MPPED2: variants seen among roughly 807,000 people sequenced by gnomAD.
MPPED2 encodes the protein metallophosphoesterase domain containing 2, also known as metallophosphoesterase MPPED2.
A neutral mutation model predicts 33.0 loss-of-function variants in MPPED2; 5 were observed. The ratio of observed to expected loss-of-function variants is 0.15; its 90% CI spans 0.08 to 0.32. The LOEUF is 0.32. Ranked by LOEUF, MPPED2 falls within the 10% of genes least tolerant of loss-of-function variation. The pLI is 1.00. For synonymous variants in MPPED2, 136 were observed against 141.9 expected, an observed-to-expected ratio of 0.96 and a Z score of 0.29; for missense variants, 275 against 372.1, an observed-to-expected ratio of 0.74 and a Z score of 2.15.
intron 3 of MPPED2, among the ~76,000 whole-genome samples, chr11:30,514,514 T>A (rs1179202963): frequency 6.6e-6 from 1 of 152,192 alleles, no homozygotes; most frequent in Non-Finnish European, 1.5e-5. Context: ...CCTGGACATT[T>A]TTTTTTAATG....
chr11:30,436,654 G>A (rs1565066428), intron 4 of MPPED2, among the ~76,000 whole-genome samples: 2 of 152,084 alleles, frequency 1.3e-5, no homozygotes, highest in African/African-American at 2.4e-5. Context: ...TATTACTGTG[G>A]GAGTTTTCTC....
At position 30,462,847 on chromosome 11, in the gene MPPED2, T is replaced by C. The variant is rs578167733; in HGVS notation, c.536+32449A>G. ...ACAGTCCCTATCATCTGGTATTTAT[T>C]TGATGAATGGAAAGTTTAACAAGAT... On this transcript the variant is annotated intron_variant, in intron 4 of 6. Transcript: ENST00000358117. 2.0e-5 allele frequency among the ~76,000 whole-genome samples: 3 copies of C among 152,222 alleles called. No individual in the cohort carries two copies. In the East Asian group the frequency reaches 5.8e-4, roughly 29 times the overall value.
intron 4 of MPPED2, among the ~76,000 whole-genome samples, chr11:30,452,596 G>A (rs776977087): frequency 2.6e-5 from 4 of 152,166 alleles, no homozygotes; most frequent in Non-Finnish European, 5.9e-5. Flanking sequence ...CTGGGGGTAA[G>A]GTATGTACTG....
intron 6 of MPPED2, among the ~76,000 whole-genome samples, chr11:30,401,123 C>A (rs934871189): frequency 6.6e-6 from 1 of 152,148 alleles, no homozygotes; most frequent in Non-Finnish European, 1.5e-5. Flanking sequence ...CATATCATGT[C>A]CCCCAAAAAG....
At chr11:30,511,170 G>C (rs996722517) in intron 3 of MPPED2, among the ~76,000 whole-genome samples, 1 of 152,144 alleles carries the variant, frequency 6.6e-6, no homozygotes, top group African/African-American at 2.4e-5. Flanking sequence ...GATGAGATTT[G>C]ATAATGAAAT....
chr11:30,485,740 C>A (rs990472317), intron 4 of MPPED2, among the ~76,000 whole-genome samples: 1 of 152,114 alleles, frequency 6.6e-6, no homozygotes, highest in Admixed American at 6.5e-5. Flanking sequence ...TTCAACAAAG[C>A]CTTCGCCATC....
At chr11:30,584,312 C>G (rs7930738) in intron 1 of MPPED2, 28,731 of 147,806 alleles carry the variant, frequency 0.19, 2,754 homozygotes, top group Middle Eastern at 0.21. Flanking sequence ...GGCAGTTGCG[C>G]GAGGCGGGGT....
rs149152269 is a variant in MPPED2, at chr11:30,503,624, G to A, written c.311-8103C>T. Reference sequence around the variant, plus strand: ...TTCAGCAGTAGTTCTTTGTGAAAGAGAGCCTCCAAAAGCAAACATGGCTTG... The same window carrying A: ...TTCAGCAGTAGTTCTTTGTGAAAGAAAGCCTCCAAAAGCAAACATGGCTTG... On this transcript the variant is annotated intron_variant, in intron 3 of 6. Transcript: ENST00000358117. Among the ~76,000 whole-genome samples the A allele has an allele frequency of 3.5e-4, 54 of 152,252 alleles. 1 individual carries two copies. Among genetic ancestry groups the A allele is most frequent in the African/African-American group, 1.2e-3 (50 of 41,548 alleles).
chr11:30,426,555 A>G (rs193105157), intron 4 of MPPED2, among the ~76,000 whole-genome samples: 2 of 152,312 alleles, frequency 1.3e-5, no homozygotes, highest in African/African-American at 2.4e-5. Flanking sequence ...CTCCCAGGGT[A>G]TACACTCATT....
intron 2 of MPPED2, among the ~76,000 whole-genome samples, chr11:30,560,157 A>G (rs1328472093): frequency 1.3e-5 from 2 of 152,142 alleles, no homozygotes; most frequent in Non-Finnish European, 2.9e-5. Flanking sequence ...GAAGTCAGTA[A>G]TTATTTTTAT....
chr11:30,403,178 C>T (rs770389504), intron 6 of MPPED2, among the ~76,000 whole-genome samples: 6 of 149,084 alleles, frequency 4.0e-5, no homozygotes, highest in Non-Finnish European at 5.9e-5. Flanking sequence ...ACCCGGGAGG[C>T]GGAGCTTGCC....
intron 4 of MPPED2, among the ~76,000 whole-genome samples, chr11:30,424,037 C>CA (rs1948728609): frequency 6.6e-6 from 1 of 152,190 alleles, no homozygotes. Context: ...GCCATTCGCT[C>CA]ACTCGCTCAC....
intron 4 of MPPED2, among the ~76,000 whole-genome samples, chr11:30,474,382 C>A (rs1443150922): frequency 2.0e-5 from 3 of 152,170 alleles, no homozygotes; most frequent in Non-Finnish European, 2.9e-5. Context: ...GAGAGGGTAA[C>A]TGTGATTTTT....
intron 3 of MPPED2, among the ~76,000 whole-genome samples, chr11:30,497,320 C>A (rs973844625): frequency 4.6e-5 from 7 of 152,100 alleles, no homozygotes; most frequent in African/African-American, 1.4e-4. Flanking sequence ...TTGTGAGAGA[C>A]CCTACAACTC....
chr11:30,553,557 A>G (rs1255637409), intron 2 of MPPED2, among the ~76,000 whole-genome samples: 1 of 152,226 alleles, frequency 6.6e-6, no homozygotes, highest in Non-Finnish European at 1.5e-5. Context: ...AATACAAAAG[A>G]GCATTTTTGC....
intron 6 of MPPED2, among the ~76,000 whole-genome samples, chr11:30,397,837 T>C (rs149410849): frequency 1.4e-4 from 21 of 152,246 alleles, no homozygotes; most frequent in African/African-American, 4.6e-4. Context: ...ATACTAAAAA[T>C]GAAAGCTGTT....
At chr11:30,526,080 C>T (rs1248220667) in intron 3 of MPPED2, among the ~76,000 whole-genome samples, 1 of 152,076 alleles carries the variant, frequency 6.6e-6, no homozygotes, top group Non-Finnish European at 1.5e-5. Context: ...TGGAAAGATG[C>T]ACTTTTATAT....
chr11:30,420,887 T>C (rs774681521), intron 4 of MPPED2, among the ~76,000 whole-genome samples: 4 of 152,166 alleles, frequency 2.6e-5, no homozygotes, highest in Non-Finnish European at 4.4e-5. Flanking sequence ...AGTGACCCTC[T>C]TCTAAGGTTT....
Position 30,550,556 on chromosome 11 carries a change from T to G in MPPED2, c.129-14381A>C, listed in dbSNP as rs73459725. Among the ~76,000 whole-genome samples, 1,212 of 152,304 alleles carry G rather than the reference T, an allele frequency of 8.0e-3. 19 individuals carry two copies. The highest frequency in any genetic ancestry group is 0.027 in the African/African-American group (1,137 of 41,554). ...GGAAGCAGGTAATTTTTAAAAGCAC[T>G]TGGCCTGAAGGGTATGGACAAGTTC... On this transcript the variant is annotated intron_variant, in intron 2 of 6. Transcript: ENST00000358117.
Sources: gnomAD v4.1 joint callset for allele counts (sites outside exome capture counted in the v4.1 genomes callset) on GRCh38, gnomAD v4.1.1 for gene constraint, MANE v1.5 for transcripts, NCBI Gene and HGNC (gene_info 2026-07-23, HGNC 2026-07-21) for gene names.